Variants in DYNC2I1 observed in about 807,000 individuals in gnomAD.
DYNC2I1 encodes the protein cytoplasmic dynein 2 intermediate chain 1.
Under a neutral mutation model 133.4 loss-of-function variants are expected in DYNC2I1, and 89 were observed. That is an observed-to-expected ratio of 0.67 (90% CI 0.56 to 0.80). DYNC2I1 has a LOEUF of 0.80. DYNC2I1 is among the 30% of genes least tolerant of loss of function. DYNC2I1 has a pLI of 0.00. For synonymous variants in DYNC2I1, 504 were observed against 484.3 expected (o/e 1.04, Z -0.54); for missense variants, 1,291 against 1,314.5 (o/e 0.98, Z 0.28).
chr7:158,953,116 C>T (rs1020105545), intron 4 of DYNC2I1, among the ~76,000 whole-genome samples: 1 of 152,120 alleles, frequency 6.6e-6, no homozygotes, highest in African/African-American at 2.4e-5. Flanking sequence ...CTGTTCCTAC[C>T]CTCCTCGCCC....
intron 8 of DYNC2I1, among the ~76,000 whole-genome samples, chr7:158,897,485 GATGAAA>G (rs1845862208): frequency 6.6e-6 from 1 of 152,092 alleles, no homozygotes; most frequent in Non-Finnish European, 1.5e-5. Flanking sequence ...CTGTGTCTTT[GATGAAA>G]TTGGCCCATT....
chr7:158,843,424 T>A, the DYNC2I1 span, among the ~76,000 whole-genome samples: 1 of 150,128 alleles, frequency 6.7e-6, no homozygotes, highest in East Asian at 1.9e-4. Context: ...CAACGCCTAA[T>A]TTTTTTTGTA....
chr7:158,887,532 C>T (rs1563114818), intron 7 of DYNC2I1, among the ~76,000 whole-genome samples: 3 of 152,060 alleles, frequency 2.0e-5, no homozygotes, highest in South Asian at 2.1e-4. Flanking sequence ...ACTTTAGCAC[C>T]CCACTTTCAG....
At chr7:158,938,781 A>C (rs568087036) in intron 23 of DYNC2I1, among the ~76,000 whole-genome samples, 1 of 152,248 alleles carries the variant, frequency 6.6e-6, no homozygotes, top group South Asian at 2.1e-4. Context: ...AACAAAAGAA[A>C]TGCTAAAGGG....
chr7:158,902,247 A>G (rs1452164516), intron 9 of DYNC2I1, 129 bp from the exon 10 acceptor site: 1 of 753,586 alleles, frequency 1.3e-6, no homozygotes, highest in African/African-American at 1.8e-5. Context: ...GGAACTATAA[A>G]TATCTTTCTT....
chr7:158,909,993 G>C (rs771018730), intron 11 of DYNC2I1, among the ~76,000 whole-genome samples: 2 of 152,134 alleles, frequency 1.3e-5, no homozygotes, highest in African/African-American at 2.4e-5. Context: ...CCCGGTGGCC[G>C]AGGCACCTGG....
intron 16 of DYNC2I1, 148 bp from the exon 17 acceptor site, chr7:158,923,423 C>A (rs1849284004): frequency 9.8e-7 from 1 of 1,019,702 alleles, no homozygotes; most frequent in African/African-American, 1.6e-5. Context: ...TATTTCTGTG[C>A]AGGAGTCTAC....
chr7:158,909,355 AGAT>A (rs1426013055), intron 11 of DYNC2I1, among the ~76,000 whole-genome samples: 5 of 146,768 alleles, frequency 3.4e-5, no homozygotes, highest in Non-Finnish European at 3.0e-5. Context: ...AAAAAAAAAA[AGAT>A]AATACTTCAG....
rs78417560 is a variant in DYNC2I1, at chr7:158,931,318, T to C, written c.2546+803T>C. 0.012 allele frequency among the ~76,000 whole-genome samples: 1,864 copies of C among 152,342 alleles called. 69 individuals are homozygous for C. The East Asian group carries it at 0.13, about 10-fold the overall frequency. On this transcript the variant is annotated intron_variant, in intron 21 of 24. Coordinates refer to ENST00000407559, the MANE Select transcript of DYNC2I1 (RefSeq NM_018051.5). ...GCACTCAGGGGTCAAAATTTTGGGGTCTGGTTCTTCCTAATCAGAAAACCT... is the reference window on the plus strand; with the variant it reads ...GCACTCAGGGGTCAAAATTTTGGGGCCTGGTTCTTCCTAATCAGAAAACCT...
the DYNC2I1 span, among the ~76,000 whole-genome samples, chr7:158,847,315 A>C: frequency 6.6e-6 from 1 of 152,186 alleles, no homozygotes; most frequent in African/African-American, 2.4e-5. Flanking sequence ...GCTAAAGAAA[A>C]TGCATTTTTT....
chr7:158,858,781 A>G (rs948842606), intron 1 of DYNC2I1, among the ~76,000 whole-genome samples: 7 of 147,688 alleles, frequency 4.7e-5, no homozygotes, highest in Non-Finnish European at 8.9e-5. Flanking sequence ...TGAAATCTCC[A>G]TGCTTTTTCC....
At chr7:158,846,916 TTGTC>T in the DYNC2I1 span, among the ~76,000 whole-genome samples, 3 of 152,360 alleles carry the variant, frequency 2.0e-5, no homozygotes, top group African/African-American at 7.2e-5. Flanking sequence ...GGATCTTCCT[TTGTC>T]TGTATGTCTG....
At chr7:158,868,698 C>T (rs751220229) in intron 1 of DYNC2I1, among the ~76,000 whole-genome samples, 2 of 152,192 alleles carry the variant, frequency 1.3e-5, no homozygotes, top group Non-Finnish European at 2.9e-5. Context: ...GATAGGGTGT[C>T]CTCAGGGACA....
chr7:158,880,881 T>C (rs1843931045), intron 5 of DYNC2I1, among the ~76,000 whole-genome samples: 1 of 152,172 alleles, frequency 6.6e-6, no homozygotes, highest in Non-Finnish European at 1.5e-5. Context: ...TTGGTGATGC[T>C]TCCTTTAAGA....
At chr7:158,926,375 C>A (rs376472148) in intron 18 of DYNC2I1, 27 bp from the exon 19 acceptor site, 2 of 1,606,948 alleles carry the variant, frequency 1.2e-6, no homozygotes, top group African/African-American at 2.7e-5. Flanking sequence ...AAAGCCATTT[C>A]TTTCTTTTTG....
chr7:158,902,125 C>T (rs1162585414), intron 9 of DYNC2I1, among the ~76,000 whole-genome samples: 4 of 152,074 alleles, frequency 2.6e-5, no homozygotes, highest in East Asian at 3.8e-4. Flanking sequence ...AATGTTTGCA[C>T]GTGATGATAG....
At position 158,869,909 on chromosome 7, in the gene DYNC2I1, G is replaced by A; in HGVS notation, c.69+1G>A. 1 of 1,613,222 alleles carries A rather than the reference G, an allele frequency of 6.2e-7. No homozygotes were observed. The highest frequency in any genetic ancestry group is 8.5e-7 in the Non-Finnish European group (1 of 1,179,322). ...AGATGACCTCAGAAAACATCTCTGG[G>A]TAATTATTGTAAAGATTTGGATTGG... is the stretch of plus-strand genomic sequence containing the variant. On this transcript the variant is annotated splice_donor_variant, in intron 2 of 24. Coordinates refer to ENST00000407559, the MANE Select transcript of DYNC2I1 (RefSeq NM_018051.5). LOFTEE classifies it high-confidence loss of function.
intron 17 of DYNC2I1, among the ~76,000 whole-genome samples, chr7:158,924,281 G>T (rs1849392681): frequency 6.6e-6 from 1 of 152,238 alleles, no homozygotes; most frequent in African/African-American, 2.4e-5. Flanking sequence ...TCCACAGGAA[G>T]ATGCCGCGTT....
intron 14 of DYNC2I1, among the ~76,000 whole-genome samples, chr7:158,915,427 ACG>A (rs2129485389): frequency 2.0e-5 from 3 of 149,152 alleles, no homozygotes; most frequent in Non-Finnish European, 4.5e-5. Context: ...AAACGTCGAC[ACG>A]CTGGTTGAGA....
Sources: gnomAD v4.1 joint callset for allele counts (sites outside exome capture counted in the v4.1 genomes callset) on GRCh38, gnomAD v4.1.1 for gene constraint, MANE v1.5 for transcripts, NCBI Gene and HGNC (gene_info 2026-07-23, HGNC 2026-07-21) for gene names.